The following ZNF676 variants were observed in gnomAD, a reference collection of about 807,000 sequenced individuals.
ZNF676 encodes zinc finger protein 676.
ZNF676 carries 4 observed loss-of-function variants against 6.0 expected under a neutral mutation model. The ratio of observed to expected loss-of-function variants is 0.67; its 90% confidence interval spans 0.33 to 1.53. ZNF676 has a LOEUF of 1.53. Among genes scored for constraint, ZNF676 ranks in the 40% most tolerant of loss-of-function variants. The pLI is 0.06. For missense variants in ZNF676, 644 were observed against 679.7 expected, an observed-to-expected ratio of 0.95 and a Z score of 0.58; for synonymous variants, 198 against 223.1, an observed-to-expected ratio of 0.89 and a Z score of 1.00.
At chr19:22,188,106 C>G (rs1389113556) in intron 2 of ZNF676, among the ~76,000 whole-genome samples, 1 of 151,894 alleles carries the variant, frequency 6.6e-6, no homozygotes, top group Non-Finnish European at 1.5e-5. Context: ...TGATGCAAAA[C>G]TCCTCAATAA....
chr19:22,233,681 C>A, the ZNF676 span, among the ~76,000 whole-genome samples: 1 of 152,216 alleles, frequency 6.6e-6, no homozygotes, highest in Non-Finnish European at 1.5e-5. Flanking sequence ...TCTCAGCAGA[C>A]CCAAATTGTC....
chr19:22,199,174 T>A (rs1486780018), upstream of ZNF676, among the ~76,000 whole-genome samples: 2 of 152,176 alleles, frequency 1.3e-5, no homozygotes, highest in East Asian at 3.9e-4. Flanking sequence ...CCCCACTCTA[T>A]GAAATGTAAT....
upstream of ZNF676, among the ~76,000 whole-genome samples, chr19:22,218,357 CG>C (rs1360633759): frequency 6.6e-6 from 1 of 151,854 alleles, no homozygotes; most frequent in Non-Finnish European, 1.5e-5. Flanking sequence ...TTTTTTGAGA[CG>C]GAGTCTCGCT....
chr19:22,223,496 G>C, the ZNF676 span, among the ~76,000 whole-genome samples: 1 of 150,782 alleles, frequency 6.6e-6, no homozygotes, highest in Non-Finnish European at 1.5e-5. Context: ...GCTGTCGGGG[G>C]ATAAGAAAAT....
chr19:22,257,092 G>A, the ZNF676 span, among the ~76,000 whole-genome samples: 2 of 152,168 alleles, frequency 1.3e-5, no homozygotes, highest in Non-Finnish European at 2.9e-5. Flanking sequence ...TATCACCTGG[G>A]TGCTGGGACA....
At chr19:22,242,779 G>C in the ZNF676 span, among the ~76,000 whole-genome samples, 1 of 151,606 alleles carries the variant, frequency 6.6e-6, no homozygotes, top group Non-Finnish European at 1.5e-5. Context: ...GTAAGGCTCA[G>C]GAATAAGGTA....
At position 22,180,808 on chromosome 19, in the gene ZNF676, A is replaced by G. The variant is rs201622264; in HGVS notation, c.909T>C (p.His303=). The G allele has an allele frequency of 0.2, 108,708 of 533,472 alleles. No homozygotes were observed. Among genetic ancestry groups the G allele is most frequent in the Non-Finnish European group, 0.23 (93,261 of 396,934 alleles). 33.0% of individuals were successfully genotyped at this position (533,472 alleles called of 1,614,324 possible). ...SSKLMEHKRI[H]TGEKPYKCEE... ...CACACTTGTAGGGTTTCTCTCCAGTATGAATTCTCTTATGTTCCATGAGCT... is the reference window on the plus strand; with the variant it reads ...CACACTTGTAGGGTTTCTCTCCAGTGTGAATTCTCTTATGTTCCATGAGCT... The change falls in exon 3 of 3, where the codon CAT becomes CAC. Residue 303 remains histidine, a synonymous_variant. Transcript: ENST00000397121.
At chr19:22,221,503 C>A in the ZNF676 span, among the ~76,000 whole-genome samples, 288 of 152,186 alleles carry the variant, frequency 1.9e-3, 1 homozygote, top group African/African-American at 6.7e-3. Flanking sequence ...TTAATCCCAG[C>A]ACTTTGGGAT....
intron 1 of ZNF676, among the ~76,000 whole-genome samples, chr19:22,205,409 A>C (rs1830172): frequency 4.6e-5 from 7 of 151,904 alleles, no homozygotes; most frequent in East Asian, 1.9e-4. Context: ...CAATCAGAAA[A>C]AAAACAATTC....
chr19:22,215,056 A>AC (rs983502568), intron 1 of ZNF676, among the ~76,000 whole-genome samples: 52 of 118,200 alleles, frequency 4.4e-4, no homozygotes, highest in African/African-American at 2.0e-3. Flanking sequence ...AAAAAAAAAA[A>AC]AAAACAACAA....
At chr19:22,215,064 C>CAAAAAA (rs60075524) in intron 1 of ZNF676, among the ~76,000 whole-genome samples, 1 of 135,608 alleles carries the variant, frequency 7.4e-6, no homozygotes, top group African/African-American at 2.7e-5. Context: ...AAAAAAACAA[C>CAAAAAA]AAAAAACCAG....
At chr19:22,181,613 A>C in intron 2 of ZNF676, 27 bp from the exon 3 acceptor site, 1 of 1,469,432 alleles carries the variant, frequency 6.8e-7, no homozygotes, top group Non-Finnish European at 9.0e-7. Flanking sequence ...ATAACAAATT[A>C]ATCTACATAT....
intron 1 of ZNF676, among the ~76,000 whole-genome samples, chr19:22,212,505 A>T (rs543703839): frequency 1.3e-5 from 2 of 151,730 alleles, no homozygotes; most frequent in South Asian, 2.1e-4. Context: ...TTTTGAGCTC[A>T]AACAGCCTGG....
chr19:22,245,350 T>C, the ZNF676 span: 1 of 152,060 alleles, frequency 6.6e-6, no homozygotes, highest in Non-Finnish European at 1.5e-5. Context: ...ATGAGTCACT[T>C]TCCCTTGTGT....
At chr19:22,217,967 G>A (rs546914680), upstream of ZNF676, among the ~76,000 whole-genome samples, 1 of 151,502 alleles carries the variant, frequency 6.6e-6, no homozygotes, top group South Asian at 2.1e-4. Context: ...GTCTCCCAGA[G>A]TGCTGGGATT....
At chr19:22,212,749 C>A (rs913381472) in intron 1 of ZNF676, among the ~76,000 whole-genome samples, 41 of 151,814 alleles carry the variant, frequency 2.7e-4, no homozygotes, top group African/African-American at 9.0e-4. Context: ...GTAATCCCAG[C>A]ACTTTGGGAG....
At chr19:22,189,769 A>G (rs1299661538) in intron 2 of ZNF676, among the ~76,000 whole-genome samples, 1 of 152,204 alleles carries the variant, frequency 6.6e-6, no homozygotes, top group African/African-American at 2.4e-5. Context: ...ACACATGAAA[A>G]AAAGCACATC....
Position 22,179,850 on chromosome 19 carries a change from G to T in ZNF676, c.*100C>A. 2.2e-6 allele frequency: 3 copies of T among 1,337,488 alleles called. No individual in the cohort carries two copies. Among genetic ancestry groups the T allele is most frequent in the Non-Finnish European group, 3.2e-6 (3 of 942,852 alleles). The allele number at this position is 1,337,488 out of a possible 1,614,324, so 82.9% of individuals were successfully genotyped here. On this transcript the variant is annotated 3_prime_UTR_variant, in exon 3 of 3. Coordinates refer to ENST00000397121, the MANE Select transcript of ZNF676 (RefSeq NM_001001411.3). ...AGATTGAGGACTGTTTAAAAGCTTT[G>T]CCACATTCTTCACCTTTGTAGATTT...
the ZNF676 span, among the ~76,000 whole-genome samples, chr19:22,239,571 G>C: frequency 6.6e-6 from 1 of 152,142 alleles, no homozygotes; most frequent in Non-Finnish European, 1.5e-5. Context: ...TGTTAGCTTT[G>C]TCTGCGTATT....
Sources: allele counts gnomAD v4.1 joint callset (sites outside exome capture counted in the v4.1 genomes callset), GRCh38; gene constraint gnomAD v4.1.1; transcripts MANE v1.5; gene names NCBI Gene and HGNC (gene_info 2026-07-23, HGNC 2026-07-21).